SPTLC2: variants seen among roughly 807,000 people sequenced by gnomAD.
The protein encoded by SPTLC2 is serine palmitoyltransferase 2.
SPTLC2 carries 21 observed loss-of-function variants against 62.0 expected under a neutral mutation model. That is an observed-to-expected ratio of 0.34 (90% confidence interval 0.24 to 0.49). SPTLC2 has a LOEUF of 0.49. Ranked by LOEUF, SPTLC2 falls within the 20% of genes least tolerant of loss-of-function variation. The pLI, the probability that SPTLC2 is intolerant of heterozygous loss-of-function variation, is 0.99. For synonymous variants in SPTLC2, 261 were observed against 261.8 expected (o/e 1.00, Z 0.03); for missense variants, 511 against 713.0 (o/e 0.72, Z 3.23).
intron 8 of SPTLC2, among the ~76,000 whole-genome samples, chr14:77,553,855 C>A (rs1372680278): frequency 2.0e-5 from 3 of 151,954 alleles, no homozygotes; most frequent in Non-Finnish European, 2.9e-5. Context: ...TGCTCTGTTG[C>A]CCAGGCTGCA....
At chr14:77,608,102 T>C (rs2079914545) in intron 1 of SPTLC2, among the ~76,000 whole-genome samples, 1 of 152,216 alleles carries the variant, frequency 6.6e-6, no homozygotes, top group South Asian at 2.1e-4. Context: ...CACTGCCCTG[T>C]AGGGAGAGCT....
At chr14:77,515,116 G>A (rs931480042) in intron 11 of SPTLC2, among the ~76,000 whole-genome samples, 3 of 152,102 alleles carry the variant, frequency 2.0e-5, no homozygotes, top group Admixed American at 1.3e-4. Flanking sequence ...CTACTTCACT[G>A]GTCTATACGT....
chr14:77,575,084 T>C (rs900084858), intron 4 of SPTLC2, among the ~76,000 whole-genome samples: 4 of 152,068 alleles, frequency 2.6e-5, no homozygotes, highest in African/African-American at 9.7e-5. Flanking sequence ...CAGCTGGGCA[T>C]GGTGGCGTGC....
In SPTLC2 at chr14:77,511,944, C is replaced by G; in HGVS notation, c.*340G>C. 1 of 354,008 alleles carries G rather than the reference C, an allele frequency of 2.8e-6. No individual in the cohort carries two copies. The highest frequency in any genetic ancestry group is 5.5e-6 in the Non-Finnish European group (1 of 181,960). 21.9% of individuals were successfully genotyped at this position (354,008 alleles called of 1,614,324 possible). ...TTGATGGGCCCAAGTCTGCAAGGTG[C>G]TGGGAGAGGGGAATGGCCTGTGTGG... is the stretch of plus-strand genomic sequence containing the variant. On this transcript the variant is annotated 3_prime_UTR_variant, in exon 12 of 12. Transcript: ENST00000216484.
At chr14:77,587,261 T>A (rs1279009329) in intron 2 of SPTLC2, among the ~76,000 whole-genome samples, 2 of 151,564 alleles carry the variant, frequency 1.3e-5, no homozygotes, top group Non-Finnish European at 2.9e-5. Flanking sequence ...ACACAGCCGG[T>A]AGGTGTACAA....
chr14:77,527,059 G>A (rs1015029770), intron 9 of SPTLC2, among the ~76,000 whole-genome samples: 3 of 149,428 alleles, frequency 2.0e-5, no homozygotes, highest in African/African-American at 7.4e-5. Flanking sequence ...CTCCCAAAGT[G>A]CTGGGATTAC....
rs1566781715 is a variant in SPTLC2 at position 77,564,425 on chromosome 14, AC to A, written c.757-1937del. ...TACACACACACACACACACACACAC[AC>A]ACACACACACACACACACACACACA... is the stretch of plus-strand genomic sequence containing the variant. On this transcript the variant is annotated intron_variant, in intron 5 of 11. Coordinates refer to ENST00000216484, the MANE Select transcript of SPTLC2 (RefSeq NM_004863.4). Among the ~76,000 whole-genome samples, 58 of 126,086 alleles carry A rather than the reference AC, an allele frequency of 4.6e-4. 1 individual carries two copies. Among genetic ancestry groups the A allele is most frequent in the African/African-American group, 2.2e-3 (55 of 24,882 alleles). The allele number at this position is 126,086 out of a possible 152,430, so 82.7% of individuals were successfully genotyped here.
chr14:77,524,783 A>C (rs909720257), intron 9 of SPTLC2, among the ~76,000 whole-genome samples: 4 of 152,016 alleles, frequency 2.6e-5, no homozygotes, highest in African/African-American at 7.2e-5. Flanking sequence ...GTTCTGACTC[A>C]TGTGGGAGCT....
intron 9 of SPTLC2, among the ~76,000 whole-genome samples, chr14:77,551,421 G>T (rs900861995): frequency 1.4e-5 from 2 of 144,728 alleles, no homozygotes; most frequent in African/African-American, 2.5e-5. Flanking sequence ...AAAGCGACAA[G>T]TGAAATTATT....
chr14:77,571,569 A>G (rs1358644851), intron 4 of SPTLC2, among the ~76,000 whole-genome samples: 2 of 151,734 alleles, frequency 1.3e-5, no homozygotes, highest in Non-Finnish European at 2.9e-5. Context: ...TTTGTACCGC[A>G]ATTTTATATT....
At chr14:77,558,124 T>C (rs926816928) in intron 6 of SPTLC2, among the ~76,000 whole-genome samples, 8 of 151,786 alleles carry the variant, frequency 5.3e-5, no homozygotes, top group African/African-American at 1.9e-4. Context: ...CTCTCCTCAC[T>C]GAGGCCTCCA....
intron 2 of SPTLC2, among the ~76,000 whole-genome samples, chr14:77,586,081 T>G (rs1595006144): frequency 6.7e-6 from 1 of 148,808 alleles, no homozygotes; most frequent in Non-Finnish European, 1.5e-5. Flanking sequence ...CTTTTTTCTT[T>G]TTTTTTTTTT....
chr14:77,593,514 C>T (rs1051340200), intron 2 of SPTLC2, among the ~76,000 whole-genome samples: 1 of 152,148 alleles, frequency 6.6e-6, no homozygotes. Context: ...AAACAACATT[C>T]TCATCCAAAA....
In SPTLC2 at chr14:77,578,934, A is replaced by T. The variant is rs780911774; in HGVS notation, c.482+21T>A. 5.0e-6 allele frequency: 8 copies of T among 1,613,352 alleles called. No individual in the cohort carries two copies. The East Asian group carries it at 1.3e-4, about 27-fold the overall frequency. ...AACCCTTTTGTAATTGTTGTCAAAT[A>T]ATTTCCCAACCAAGACTCACTTGAA... On this transcript the variant is annotated intron_variant, in intron 3 of 11. Transcript: ENST00000216484.
chr14:77,577,050 A>C, intron 3 of SPTLC2, 135 bp from the exon 4 acceptor site: 1 of 893,568 alleles, frequency 1.1e-6, no homozygotes. Flanking sequence ...CACACTACCA[A>C]TTATGGAAAT....
At chr14:77,551,035 G>C (rs191181826) in intron 9 of SPTLC2, among the ~76,000 whole-genome samples, 22 of 152,080 alleles carry the variant, frequency 1.4e-4, no homozygotes, top group Admixed American at 8.5e-4. Flanking sequence ...CTGTAGAGTG[G>C]AGAGCTCATG....
At chr14:77,568,753 A>G (rs1014565099) in intron 5 of SPTLC2, among the ~76,000 whole-genome samples, 2 of 148,840 alleles carry the variant, frequency 1.3e-5, no homozygotes, top group Non-Finnish European at 1.5e-5. Context: ...GCTTGCAGTG[A>G]GCCGAAATCA....
Position 77,507,353 on chromosome 14 carries a change from CAG to C in SPTLC2, c.*4929_*4930del, listed in dbSNP as rs964321697. 3.7e-4 allele frequency: 53 copies of C among 141,832 alleles called. 1 individual carries two copies. The highest frequency in any genetic ancestry group is 1.4e-3 in the African/African-American group (51 of 36,042). The allele number at this position is 141,832 out of a possible 1,614,324, so 8.8% of individuals were successfully genotyped here. On this transcript the variant is annotated 3_prime_UTR_variant, in exon 12 of 12. Transcript: ENST00000216484. ...ACACCTTTTTTTTTTTTTTTTGAGA[CAG>C]AGTCTCCCTCTGTCGCCAAGGCTGG...
chr14:77,604,472 A>T (rs1010351108), intron 1 of SPTLC2, among the ~76,000 whole-genome samples: 1 of 152,158 alleles, frequency 6.6e-6, no homozygotes, highest in African/African-American at 2.4e-5. Flanking sequence ...ACAGATAATG[A>T]TTCTATATTA....
Sources: gnomAD v4.1 joint callset for allele counts (sites outside exome capture counted in the v4.1 genomes callset) on GRCh38, gnomAD v4.1.1 for gene constraint, MANE v1.5 for transcripts, NCBI Gene and HGNC (gene_info 2026-07-23, HGNC 2026-07-21) for gene names.